Variants in TBC1D5 observed in about 807,000 individuals in gnomAD.
TBC1D5 encodes TBC1 domain family, member 5.
A neutral mutation model predicts 100.3 loss-of-function variants in TBC1D5; 75 were observed. The ratio of observed to expected loss-of-function variants is 0.75; its 90% CI spans 0.62 to 0.91. TBC1D5 has a LOEUF of 0.91. TBC1D5 is among the 40% of genes least tolerant of loss of function. The probability of loss-of-function intolerance (pLI) is 0.00; values close to 1 mark genes in which losing one functional copy is unlikely to be tolerated. For synonymous variants in TBC1D5, 323 were observed against 325.6 expected (o/e 0.99, Z 0.09); for missense variants, 910 against 942.4 (o/e 0.97, Z 0.45).
intron 2 of TBC1D5, among the ~76,000 whole-genome samples, chr3:17,509,760 C>T (rs981565298): frequency 6.6e-6 from 1 of 151,942 alleles, no homozygotes; most frequent in African/African-American, 2.4e-5. Flanking sequence ...TTTTTACATG[C>T]TCAAATGTAT....
chr3:17,407,946 C>A (rs2093817008), intron 4 of TBC1D5, among the ~76,000 whole-genome samples: 2 of 152,098 alleles, frequency 1.3e-5, no homozygotes, highest in African/African-American at 4.8e-5. Context: ...TATTAGTGAA[C>A]TAAAAATTGT....
intron 1 of TBC1D5, among the ~76,000 whole-genome samples, chr3:17,688,739 T>C (rs1023460241): frequency 1.3e-5 from 2 of 152,216 alleles, no homozygotes; most frequent in Admixed American, 6.5e-5. Flanking sequence ...TTCCTAACAA[T>C]GTACCCCGAC....
rs150966431 is a variant in TBC1D5, at chr3:17,208,816, C to T, written c.1752+5391G>A. 3.4e-3 allele frequency among the ~76,000 whole-genome samples: 521 copies of T among 152,282 alleles called. 4 individuals are homozygous for T. The highest frequency in any genetic ancestry group is 0.011 in the African/African-American group (474 of 41,560). On this transcript the variant is annotated intron_variant, in intron 18 of 21. Transcript: ENST00000253692. ...GCAAATGAAACCTGTCTCCATATGC[C>T]TTTCTCATTTGTTATTCTCTTACTC...
At chr3:17,491,691 C>T (rs1375972208) in intron 3 of TBC1D5, among the ~76,000 whole-genome samples, 3 of 151,580 alleles carry the variant, frequency 2.0e-5, no homozygotes, top group African/African-American at 4.8e-5. Flanking sequence ...TTTGAAGTGC[C>T]GGTGGTTTGC....
intron 1 of TBC1D5, among the ~76,000 whole-genome samples, chr3:17,677,907 A>G (rs1028989634): frequency 1.3e-5 from 2 of 152,220 alleles, no homozygotes; most frequent in African/African-American, 4.8e-5. Context: ...CAAAAAAACC[A>G]AACACTGCAT....
Position 17,258,564 on chromosome 3 carries a change from A to T in TBC1D5, c.1273T>A (p.Phe425Ile). 3.1e-6 allele frequency: 5 copies of T among 1,612,948 alleles called. No homozygotes were observed. In the South Asian group the frequency reaches 4.4e-5, roughly 14 times the overall value. The change falls in exon 16 of 22, where the codon TTC (phenylalanine) becomes ATC (isoleucine). Residue 425 changes from phenylalanine to isoleucine, a missense_variant. Physicochemically the swap from Phe to Ile is conservative, Grantham distance 21. Transcript: ENST00000253692. ...TTGTAATAATCTAAATTTGGATGGA[A>T]TTGATAAGTCACTGGTCTTGGATTT...
intron 1 of TBC1D5, among the ~76,000 whole-genome samples, chr3:17,702,680 G>C (rs1398994266): frequency 6.6e-6 from 1 of 151,834 alleles, no homozygotes; most frequent in Non-Finnish European, 1.5e-5. Flanking sequence ...TTGATTCATT[G>C]TCATCAATAT....
At chr3:17,508,598 G>C in exon 3 of TBC1D5, 1 of 1,516,066 alleles carries the variant, frequency 6.6e-7, no homozygotes, top group Non-Finnish European at 9.2e-7. Context: ...GTCACCAAAA[G>C]TAACTACCTG....
At chr3:17,340,386 T>G (rs115089677) in intron 13 of TBC1D5, among the ~76,000 whole-genome samples, 459 of 152,220 alleles carry the variant, frequency 3.0e-3, no homozygotes, top group African/African-American at 0.011. Context: ...AAATCCCCAA[T>G]GAAGTAGGCT....
Position 17,315,490 on chromosome 3 carries a change from T to A in TBC1D5, c.996-7356A>T, listed in dbSNP as rs545314496. Reference sequence around the variant, plus strand: ...CTATTCTGTGTTACCAGTGAACCATTCTACGTCTAAGGTTTAACACTATCA... The same window carrying A: ...CTATTCTGTGTTACCAGTGAACCATACTACGTCTAAGGTTTAACACTATCA... On this transcript the variant is annotated intron_variant, in intron 13 of 21. Coordinates refer to ENST00000253692, the Ensembl canonical transcript of TBC1D5. 1.6e-3 allele frequency among the ~76,000 whole-genome samples: 246 copies of A among 152,348 alleles called. 1 individual carries two copies. The highest frequency in any genetic ancestry group is 6.8e-3 in the Middle Eastern group (2 of 294).
At chr3:17,546,050 T>A (rs1445020686) in intron 2 of TBC1D5, among the ~76,000 whole-genome samples, 3 of 152,130 alleles carry the variant, frequency 2.0e-5, no homozygotes, top group African/African-American at 4.8e-5. Flanking sequence ...TTAAATATAA[T>A]AATCAACAAA....
intron 16 of TBC1D5, among the ~76,000 whole-genome samples, chr3:17,240,425 G>A (rs1237325859): frequency 6.6e-6 from 1 of 152,078 alleles, no homozygotes; most frequent in East Asian, 1.9e-4. Flanking sequence ...TTTCCTACTG[G>A]AGATAAGGAT....
At chr3:17,387,120 C>T (rs1392303168) in intron 8 of TBC1D5, among the ~76,000 whole-genome samples, 5 of 151,834 alleles carry the variant, frequency 3.3e-5, no homozygotes, top group Non-Finnish European at 5.9e-5. Flanking sequence ...TCCATTGCAT[C>T]GAATAAGTAA....
exon 6 of TBC1D5, chr3:17,404,922 T>C (rs1199406447): frequency 6.2e-7 from 1 of 1,600,960 alleles, no homozygotes; most frequent in Non-Finnish European, 8.5e-7. Flanking sequence ...ATTCTACTTA[T>C]CCATTGACTT....
chr3:17,731,218 T>C (rs925004781), intron 1 of TBC1D5, among the ~76,000 whole-genome samples: 4 of 152,124 alleles, frequency 2.6e-5, no homozygotes, highest in Admixed American at 2.6e-4. Flanking sequence ...GAGGGGGTCA[T>C]GAGGCTGGGT....
intron 3 of TBC1D5, among the ~76,000 whole-genome samples, chr3:17,468,615 A>T (rs2095336758): frequency 6.6e-6 from 1 of 152,154 alleles, no homozygotes; most frequent in African/African-American, 2.4e-5. Context: ...GTTATGTTCA[A>T]TGATATGTCC....
intron 2 of TBC1D5, among the ~76,000 whole-genome samples, chr3:17,547,799 T>G (rs1302648842): frequency 1.3e-5 from 2 of 152,234 alleles, no homozygotes; most frequent in Non-Finnish European, 2.9e-5. Flanking sequence ...ATAATTCTGT[T>G]TATTGCAGTA....
chr3:17,345,069 G>A, intron 13 of TBC1D5, among the ~76,000 whole-genome samples: 1 of 152,066 alleles, frequency 6.6e-6, no homozygotes, highest in East Asian at 1.9e-4. Flanking sequence ...ATTGACAAAT[G>A]GGATCTATTT....
At chr3:17,292,215 C>T (rs1161227855) in intron 14 of TBC1D5, among the ~76,000 whole-genome samples, 1 of 152,132 alleles carries the variant, frequency 6.6e-6, no homozygotes, top group Non-Finnish European at 1.5e-5. Context: ...AGCACTTAAC[C>T]TCAGGGGGTG....
Sources: allele counts gnomAD v4.1 joint callset (sites outside exome capture counted in the v4.1 genomes callset), GRCh38; gene constraint gnomAD v4.1.1; transcripts MANE v1.5; gene names NCBI Gene and HGNC (gene_info 2026-07-23, HGNC 2026-07-21).